The following R3HCC1L variants were observed in gnomAD, a reference collection of about 807,000 sequenced individuals.
R3HCC1L encodes the protein R3H domain and coiled-coil containing 1 like, also known as coiled-coil domain-containing protein R3HCC1L.
A neutral mutation model predicts 59.9 loss-of-function variants in R3HCC1L; 51 were observed. The observed-to-expected ratio is 0.85, with a 90% confidence interval of 0.68 to 1.07. R3HCC1L has a LOEUF of 1.07. Ranked by LOEUF, R3HCC1L falls within the 50% of genes least tolerant of loss-of-function variation. The probability of loss-of-function intolerance (pLI) is 0.00; values close to 1 mark genes in which losing one functional copy is unlikely to be tolerated. For missense variants in R3HCC1L, 965 were observed against 933.0 expected, an observed-to-expected ratio of 1.03 and a Z score of -0.45; for synonymous variants, 322 against 315.2, an observed-to-expected ratio of 1.02 and a Z score of -0.23.
At chr10:98,146,415 C>G (rs1232377597) in intron 1 of R3HCC1L, among the ~76,000 whole-genome samples, 2 of 152,170 alleles carry the variant, frequency 1.3e-5, no homozygotes, top group African/African-American at 4.8e-5. Flanking sequence ...CGTATTTCTT[C>G]TATCAAATTG....
At chr10:98,160,634 C>G (rs995711153) in intron 2 of R3HCC1L, among the ~76,000 whole-genome samples, 4 of 152,194 alleles carry the variant, frequency 2.6e-5, no homozygotes, top group Admixed American at 2.6e-4. Flanking sequence ...CAGTGTACTT[C>G]ATTTATTTCT....
chr10:98,182,055 C>A (rs1363798691), intron 4 of R3HCC1L, among the ~76,000 whole-genome samples: 1 of 152,224 alleles, frequency 6.6e-6, no homozygotes, highest in East Asian at 1.9e-4. Flanking sequence ...TGTTCTGTTG[C>A]TGGCAAGGAG....
chr10:98,211,631 C>G (rs1224973636), intron 5 of R3HCC1L, among the ~76,000 whole-genome samples: 1 of 152,140 alleles, frequency 6.6e-6, no homozygotes. Flanking sequence ...ACAGCTTCCT[C>G]CAAAAGAAGA....
chr10:98,184,111 G>A (rs1021420333), intron 4 of R3HCC1L, among the ~76,000 whole-genome samples: 3 of 151,724 alleles, frequency 2.0e-5, no homozygotes, highest in African/African-American at 7.3e-5. Context: ...TTATTGCTAG[G>A]TTACCTTTAA....
At chr10:98,190,674 T>C (rs1339553809) in intron 4 of R3HCC1L, among the ~76,000 whole-genome samples, 1 of 152,200 alleles carries the variant, frequency 6.6e-6, no homozygotes, top group East Asian at 1.9e-4. Context: ...ATTATTATAC[T>C]TTAAGTTCTA....
chr10:98,224,592 A>G (rs149007850), intron 5 of R3HCC1L, among the ~76,000 whole-genome samples: 2 of 152,336 alleles, frequency 1.3e-5, no homozygotes, highest in Non-Finnish European at 2.9e-5. Flanking sequence ...AGTTGTGCAT[A>G]TGAAGGAATA....
intron 4 of R3HCC1L, among the ~76,000 whole-genome samples, chr10:98,203,460 T>C (rs1367784425): frequency 1.3e-5 from 2 of 152,242 alleles, no homozygotes; most frequent in African/African-American, 2.4e-5. Flanking sequence ...TGGTGCATTC[T>C]GATGAACTAA....
intron 1 of R3HCC1L, among the ~76,000 whole-genome samples, chr10:98,135,748 C>T (rs1322140063): frequency 1.3e-5 from 2 of 152,180 alleles, no homozygotes; most frequent in Non-Finnish European, 2.9e-5. Context: ...TCTTCTTCCT[C>T]AGCACACACA....
At chr10:98,202,734 C>A (rs1852192716) in intron 4 of R3HCC1L, among the ~76,000 whole-genome samples, 1 of 152,046 alleles carries the variant, frequency 6.6e-6, no homozygotes, top group Non-Finnish European at 1.5e-5. Flanking sequence ...CGCCTGTAGT[C>A]CCAGCTACTC....
At chr10:98,230,481 T>A (rs1856242738) in intron 5 of R3HCC1L, among the ~76,000 whole-genome samples, 1 of 152,188 alleles carries the variant, frequency 6.6e-6, no homozygotes, top group Non-Finnish European at 1.5e-5. Flanking sequence ...TCTTTGTTAA[T>A]CTTGCTAGTG....
In R3HCC1L at chr10:98,209,208, T is replaced by TTAA; in HGVS notation, c.1095_1097dup (p.Phe365_Lys366insAsn). Reference sequence around the variant, plus strand: ...CATGAAACACATAGAGATAGTGGATTTAAGAATGTAGGTGACATTACCAAT... The same window carrying TTAA: ...CATGAAACACATAGAGATAGTGGATTTAATAAGAATGTAGGTGACATTACCAAT... On this transcript the variant is annotated inframe_insertion, in exon 5 of 10. Coordinates refer to ENST00000298999, the MANE Select transcript of R3HCC1L (RefSeq NM_001351015.2). 1 of 1,613,836 alleles carries TTAA rather than the reference T, an allele frequency of 6.2e-7. No homozygotes were observed. The highest frequency in any genetic ancestry group is 8.5e-7 in the Non-Finnish European group (1 of 1,179,984).
chr10:98,208,380 C>T lies in R3HCC1L; in HGVS notation c.266C>T (p.Ser89Leu), dbSNP rs770480067. 10 of 1,613,752 alleles carry T rather than the reference C, an allele frequency of 6.2e-6. No individual in the cohort carries two copies. Among genetic ancestry groups the T allele is most frequent in the Non-Finnish European group, 8.5e-6 (10 of 1,179,970 alleles). The change falls in exon 5 of 10, where the codon TCA becomes TTA. Residue 89 changes from serine (S) to leucine (L), a missense_variant. By Grantham distance (145) the Ser-to-Leu change is moderately radical. Transcript: ENST00000298999. ...EHNCREEKKS[S>L]TKLRMDTCLQ... is the part of the protein sequence containing the mutation. Reference sequence around the variant, plus strand: ...AATTGTAGAGAAGAAAAGAAATCTTCAACAAAATTAAGAATGGACACATGC... The same window carrying T: ...AATTGTAGAGAAGAAAAGAAATCTTTAACAAAATTAAGAATGGACACATGC...
Position 98,234,480 on chromosome 10 carries a change from AC to A in R3HCC1L, c.1997del (p.Thr666AsnfsTer4). ...ATTTGATATTAAATGGGTGGATGAT[AC>A]ACATGCCCTAGGAGTATTCTCCAGT... Reference protein sequence around the residue: ...KGFDIKWVDDTHALGVFSSPI... With the variant: ...KGFDIKWVDDXHALGVFSSPI... On this transcript the variant is annotated frameshift_variant, in exon 7 of 10. Coordinates refer to ENST00000298999, the MANE Select transcript of R3HCC1L (RefSeq NM_001351015.2). LOFTEE classifies it high-confidence loss of function. The A allele has an allele frequency of 6.2e-7, 1 of 1,613,562 alleles. No individual in the cohort carries two copies.
At chr10:98,224,306 TTTC>T (rs1297679191) in intron 5 of R3HCC1L, among the ~76,000 whole-genome samples, 1 of 152,156 alleles carries the variant, frequency 6.6e-6, no homozygotes, top group Non-Finnish European at 1.5e-5. Context: ...GACTTCAGAA[TTTC>T]TTGTTTTTTT....
In R3HCC1L at chr10:98,208,436, A is replaced by G; in HGVS notation, c.322A>G (p.Arg108Gly). 2 of 1,614,146 alleles carry G rather than the reference A, an allele frequency of 1.2e-6. No individual in the cohort carries two copies. Among genetic ancestry groups the G allele is most frequent in the Non-Finnish European group, 1.7e-6 (2 of 1,180,014 alleles). Residue 108 changes from arginine to glycine, a missense_variant, in exon 5 of 10, where the codon AGA becomes GGA. Transcript: ENST00000298999. ...AAAAACAAATAGAGTTTGTTCTAAG[A>G]GAGGAACCACTGAATCCAAAGAAGT... is the stretch of plus-strand genomic sequence containing the variant. ...LQKTNRVCSK[R>G]GTTESKEVLS...
chr10:98,164,601 G>T (rs1441146671), intron 4 of R3HCC1L, among the ~76,000 whole-genome samples: 1 of 152,060 alleles, frequency 6.6e-6, no homozygotes, highest in Non-Finnish European at 1.5e-5. Flanking sequence ...CTAATTTGCA[G>T]CTGGCTATAA....
intron 5 of R3HCC1L, among the ~76,000 whole-genome samples, chr10:98,215,215 A>G (rs1388639959): frequency 6.6e-6 from 1 of 152,222 alleles, no homozygotes; most frequent in Non-Finnish European, 1.5e-5. Flanking sequence ...CCTGTGGAAT[A>G]ATGAGACTTA....
At chr10:98,181,422 C>G (rs1459655874) in intron 4 of R3HCC1L, among the ~76,000 whole-genome samples, 1 of 152,156 alleles carries the variant, frequency 6.6e-6, no homozygotes. Flanking sequence ...TGTGGGTAAT[C>G]CGACCTTTCT....
intron 1 of R3HCC1L, among the ~76,000 whole-genome samples, chr10:98,138,237 C>T (rs1844786055): frequency 6.6e-6 from 1 of 152,234 alleles, no homozygotes; most frequent in South Asian, 2.1e-4. Flanking sequence ...TATGCCTGTG[C>T]TATGTTTTGC....
Sources: gnomAD v4.1 joint callset for allele counts (sites outside exome capture counted in the v4.1 genomes callset) on GRCh38, gnomAD v4.1.1 for gene constraint, MANE v1.5 for transcripts, NCBI Gene and HGNC (gene_info 2026-07-23, HGNC 2026-07-21) for gene names.